LGSN: variants seen among roughly 807,000 people sequenced by gnomAD.
LGSN encodes the protein lengsin, lens protein with glutamine synthetase domain.
Under a neutral mutation model 19.5 loss-of-function variants are expected in LGSN, and 21 were observed. The observed-to-expected ratio is 1.07, with a 90% CI of 0.76 to 1.55. LGSN has a LOEUF of 1.55. Among genes scored for constraint, LGSN ranks in the 40% most tolerant of loss-of-function variants. The pLI, the probability that LGSN is intolerant of heterozygous loss-of-function variation, is 0.00. For synonymous variants in LGSN, 257 were observed against 215.6 expected, an observed-to-expected ratio of 1.19 and a Z score of -1.68; for missense variants, 673 against 608.5, an observed-to-expected ratio of 1.11 and a Z score of -1.12.
At chr6:63,536,974 G>A in the LGSN span, among the ~76,000 whole-genome samples, 4 of 152,220 alleles carry the variant, frequency 2.6e-5, no homozygotes, top group East Asian at 5.8e-4. Flanking sequence ...AAATGAATTA[G>A]AGAAAGTGGG....
intron 1 of LGSN, among the ~76,000 whole-genome samples, chr6:63,306,019 A>C (rs1486910476): frequency 6.6e-6 from 1 of 152,142 alleles, no homozygotes; most frequent in Non-Finnish European, 1.5e-5. Flanking sequence ...GTGAGCCAAG[A>C]TCGCACCACT....
the LGSN span, among the ~76,000 whole-genome samples, chr6:63,525,140 A>T: frequency 6.6e-6 from 1 of 152,192 alleles, no homozygotes; most frequent in African/African-American, 2.4e-5. Context: ...TCTAAGCCCC[A>T]CTCTACAACT....
the LGSN span, among the ~76,000 whole-genome samples, chr6:63,544,553 T>C: frequency 1.3e-5 from 2 of 152,160 alleles, no homozygotes; most frequent in African/African-American, 4.8e-5. Context: ...TCCTTTATAG[T>C]AAAATAAAAA....
the LGSN span, among the ~76,000 whole-genome samples, chr6:63,340,823 C>T: frequency 2.7e-5 from 4 of 150,488 alleles, no homozygotes; most frequent in African/African-American, 9.9e-5. Flanking sequence ...GTCATATTCC[C>T]TTGCTTTTTA....
At chr6:63,404,964 C>A in the LGSN span, among the ~76,000 whole-genome samples, 8 of 114,002 alleles carry the variant, frequency 7.0e-5, no homozygotes, top group Non-Finnish European at 1.2e-4. Flanking sequence ...CCGCCCCCCA[C>A]CCCACAACAG....
At chr6:63,362,625 G>A in the LGSN span, among the ~76,000 whole-genome samples, 1 of 152,176 alleles carries the variant, frequency 6.6e-6, no homozygotes, top group Admixed American at 6.5e-5. Flanking sequence ...AGATCAAACT[G>A]CAAGGCAGCA....
chr6:63,501,926 A>T, the LGSN span, among the ~76,000 whole-genome samples: 2 of 152,078 alleles, frequency 1.3e-5, no homozygotes, highest in South Asian at 2.1e-4. Flanking sequence ...CTCCCAAGTC[A>T]CTGGGACTAT....
At chr6:63,480,907 G>A in the LGSN span, among the ~76,000 whole-genome samples, 3 of 141,256 alleles carry the variant, frequency 2.1e-5, no homozygotes, top group Non-Finnish European at 3.0e-5. Flanking sequence ...ACCAACCTAA[G>A]TGCCCACTGA....
chr6:63,466,284 G>A, the LGSN span, among the ~76,000 whole-genome samples: 2 of 152,174 alleles, frequency 1.3e-5, no homozygotes, highest in East Asian at 3.8e-4. Context: ...TGTAGAGACA[G>A]GGTCTCACTT....
At chr6:63,546,625 A>C in the LGSN span, among the ~76,000 whole-genome samples, 1 of 152,116 alleles carries the variant, frequency 6.6e-6, no homozygotes, top group Non-Finnish European at 1.5e-5. Flanking sequence ...ATAAACGCTC[A>C]AACCAGGGAG....
At chr6:63,517,265 A>T in the LGSN span, among the ~76,000 whole-genome samples, 1 of 152,154 alleles carries the variant, frequency 6.6e-6, no homozygotes, top group Admixed American at 6.6e-5. Flanking sequence ...GTGCCTATCA[A>T]AGAATAGAGT....
the LGSN span, among the ~76,000 whole-genome samples, chr6:63,460,243 C>A: frequency 8.6e-5 from 13 of 151,506 alleles, no homozygotes; most frequent in African/African-American, 3.2e-4. Context: ...CAGGCATGAG[C>A]CACCACACCC....
chr6:63,358,548 A>G, the LGSN span, among the ~76,000 whole-genome samples: 3 of 152,106 alleles, frequency 2.0e-5, no homozygotes, highest in African/African-American at 4.8e-5. Flanking sequence ...GGTCCTTCAC[A>G]TCCCTTGTAA....
chr6:63,380,891 A>C, the LGSN span, among the ~76,000 whole-genome samples: 1 of 152,138 alleles, frequency 6.6e-6, no homozygotes, highest in African/African-American at 2.4e-5. Context: ...TTAAGAGACA[A>C]ACAAACACCT....
At chr6:63,468,568 C>T in the LGSN span, among the ~76,000 whole-genome samples, 1 of 151,950 alleles carries the variant, frequency 6.6e-6, no homozygotes, top group Non-Finnish European at 1.5e-5. Flanking sequence ...GCTGGGATTA[C>T]AGGTGCGTGC....
chr6:63,407,541 G>A, the LGSN span, among the ~76,000 whole-genome samples: 1 of 152,020 alleles, frequency 6.6e-6, no homozygotes, highest in Non-Finnish European at 1.5e-5. Context: ...AAAATAATAA[G>A]AACTATCTAT....
chr6:63,333,740 C>A, the LGSN span, among the ~76,000 whole-genome samples: 1 of 152,098 alleles, frequency 6.6e-6, no homozygotes, highest in South Asian at 2.1e-4. Flanking sequence ...AAAATACTGG[C>A]AAACTCAATC....
the LGSN span, among the ~76,000 whole-genome samples, chr6:63,338,623 A>AT: frequency 6.6e-6 from 1 of 151,676 alleles, no homozygotes; most frequent in Non-Finnish European, 1.5e-5. Flanking sequence ...CAGTTTATTG[A>AT]TTTTATCTTT....
At chr6:63,439,414 G>T in the LGSN span, among the ~76,000 whole-genome samples, 40 of 152,032 alleles carry the variant, frequency 2.6e-4, no homozygotes, top group Non-Finnish European at 5.6e-4. Context: ...CAGGCGTGGT[G>T]GCGTGAGCCC....
Sources: gnomAD v4.1 joint callset for allele counts (sites outside exome capture counted in the v4.1 genomes callset) on GRCh38, gnomAD v4.1.1 for gene constraint, MANE v1.5 for transcripts, NCBI Gene and HGNC (gene_info 2026-07-23, HGNC 2026-07-21) for gene names.